The following ADAMTS3 variants were observed in gnomAD, a reference collection of about 807,000 sequenced individuals.
ADAMTS3 encodes the protein ADAM metallopeptidase with thrombospondin type 1 motif 3, also known as A disintegrin and metalloproteinase with thrombospondin motifs 3.
ADAMTS3 carries 73 observed loss-of-function variants against 129.0 expected under a neutral mutation model. The ratio of observed to expected loss-of-function variants is 0.57; its 90% CI spans 0.47 to 0.69. The LOEUF (loss-of-function observed/expected upper bound fraction) is 0.69. Ranked by LOEUF, ADAMTS3 falls within the 30% of genes least tolerant of loss-of-function variation. The pLI is 0.00. For synonymous variants in ADAMTS3, 477 were observed against 510.8 expected (o/e 0.93, Z 0.89); for missense variants, 1,457 against 1,514.5 (o/e 0.96, Z 0.63).
intron 3 of ADAMTS3, among the ~76,000 whole-genome samples, chr4:72,504,398 T>C (rs1720103880): frequency 1.3e-5 from 2 of 152,204 alleles, no homozygotes; most frequent in African/African-American, 4.8e-5. Context: ...AAATAGGCCC[T>C]GATCTCTTCT....
intron 3 of ADAMTS3, among the ~76,000 whole-genome samples, chr4:72,447,934 C>T (rs1718299793): frequency 6.6e-6 from 1 of 151,740 alleles, no homozygotes; most frequent in Non-Finnish European, 1.5e-5. Context: ...ATGCTACTTA[C>T]ACAAAACTTT....
chr4:72,478,868 C>G lies in ADAMTS3; in HGVS notation c.505-63897G>C, dbSNP rs1176042153. Among the ~76,000 whole-genome samples, 459 of 151,652 alleles carry G rather than the reference C, an allele frequency of 3.0e-3. 4 individuals are homozygous for G. The highest frequency in any genetic ancestry group is 0.01 in the African/African-American group (433 of 41,310). The stretch of plus-strand genomic sequence containing the variant: ...AGTCTCAGGATACAAAATCAATGTA[C>G]AAAAATCACAAGCATTCTTATACAC... On this transcript the variant is annotated intron_variant, in intron 3 of 21. Coordinates refer to ENST00000286657, the MANE Select transcript of ADAMTS3 (RefSeq NM_014243.3).
At chr4:72,288,996 CTATT>C (rs1718590668) in intron 20 of ADAMTS3, 128 bp from the exon 21 acceptor site, 4 of 639,504 alleles carry the variant, frequency 6.3e-6, no homozygotes, top group African/African-American at 1.8e-5. Context: ...AGTGGGTTCT[CTATT>C]AAGTAATGCT....
rs572819639 is a variant in ADAMTS3 at position 72,344,287 on chromosome 4, T to G, written c.662-4594A>C. Among the ~76,000 whole-genome samples, 8 of 152,222 alleles carry G rather than the reference T, an allele frequency of 5.3e-5. No homozygotes were observed. In the East Asian group the frequency reaches 1.5e-3, roughly 29 times the overall value. ...ATGTTCATATGCTTAATCATACTTA[T>G]AGGAAATCAAAGTATAGGATTAGTG... On this transcript the variant is annotated intron_variant, in intron 4 of 21. Coordinates refer to ENST00000286657, the MANE Select transcript of ADAMTS3 (RefSeq NM_014243.3).
chr4:72,470,361 T>TTATATATACA (rs1553917049), intron 3 of ADAMTS3, among the ~76,000 whole-genome samples: 8 of 116,484 alleles, frequency 6.9e-5, no homozygotes, highest in Admixed American at 5.7e-4. Flanking sequence ...TATTTTAAGT[T>TTATATATACA]TATATATATA....
chr4:72,550,547 A>G (rs1427901735), intron 2 of ADAMTS3, among the ~76,000 whole-genome samples: 1 of 152,182 alleles, frequency 6.6e-6, no homozygotes, highest in Non-Finnish European at 1.5e-5. Flanking sequence ...GTAAATATTT[A>G]CTAGGCAAAG....
At chr4:72,372,073 T>C (rs1012867256) in intron 4 of ADAMTS3, among the ~76,000 whole-genome samples, 2 of 152,122 alleles carry the variant, frequency 1.3e-5, no homozygotes, top group Non-Finnish European at 2.9e-5. Context: ...TATTTTGAAC[T>C]GAAGAATATT....
chr4:72,362,196 C>T (rs1431915239), intron 4 of ADAMTS3, among the ~76,000 whole-genome samples: 7 of 152,036 alleles, frequency 4.6e-5, no homozygotes, highest in Non-Finnish European at 2.9e-5. Context: ...AGGGTAGGTG[C>T]CCTATTTAAG....
chr4:72,548,357 G>T, intron 3 of ADAMTS3, 121 bp downstream of exon 3: 1 of 1,073,482 alleles, frequency 9.3e-7, no homozygotes. Flanking sequence ...GTCTTTTTCT[G>T]AACTTAAAAT....
intron 4 of ADAMTS3, among the ~76,000 whole-genome samples, chr4:72,397,949 A>C (rs1721768314): frequency 6.6e-6 from 1 of 152,182 alleles, no homozygotes; most frequent in African/African-American, 2.4e-5. Context: ...GTAAAAAAAA[A>C]ATCACTACTG....
At position 72,313,574 on chromosome 4, in the gene ADAMTS3, C is replaced by A. The variant is rs1719302895; in HGVS notation, c.1745+103G>T. The stretch of plus-strand genomic sequence containing the variant: ...AACTGTGAACAATTTATTTTCCTGC[C>A]CTGTGTTTTACATGCACTTTATAAA... On this transcript the variant is annotated intron_variant, in intron 12 of 21. Coordinates refer to ENST00000286657, the MANE Select transcript of ADAMTS3 (RefSeq NM_014243.3). 9.8e-6 allele frequency: 12 copies of A among 1,220,620 alleles called. No individual in the cohort carries two copies. The South Asian group carries it at 1.9e-4, about 19-fold the overall frequency. The allele number at this position is 1,220,620 out of a possible 1,614,324, so 75.6% of individuals were successfully genotyped here.
chr4:72,312,103 C>G lies in ADAMTS3; in HGVS notation c.1921+188G>C. 5.3e-6 allele frequency: 3 copies of G among 564,970 alleles called. No individual in the cohort carries two copies. The South Asian group carries it at 8.5e-5, about 16-fold the overall frequency. The allele number at this position is 564,970 out of a possible 1,614,324, so 35.0% of individuals were successfully genotyped here. A position where few individuals can be genotyped will look rare whatever the true frequency, so the allele number is the denominator to read the frequency against. On this transcript the variant is annotated intron_variant, in intron 13 of 21. Transcript: ENST00000286657. ...TGCTGCTTGCCAGGAACTATTGCAC[C>G]ATTCTTACCTCTTTAGAGAAAGGGT...
intron 3 of ADAMTS3, among the ~76,000 whole-genome samples, chr4:72,529,272 A>G (rs186256016): frequency 2.0e-5 from 3 of 152,248 alleles, no homozygotes; most frequent in Admixed American, 2.0e-4. Context: ...TACTGAAACC[A>G]GTTCTTGTAG....
At chr4:72,361,733 T>G (rs971694434) in intron 4 of ADAMTS3, among the ~76,000 whole-genome samples, 1 of 152,096 alleles carries the variant, frequency 6.6e-6, no homozygotes, top group Non-Finnish European at 1.5e-5. Flanking sequence ...TCCTTCTGTA[T>G]TTTTATCCCA....
chr4:72,289,095 T>C (rs919323461), intron 20 of ADAMTS3, among the ~76,000 whole-genome samples: 2 of 152,112 alleles, frequency 1.3e-5, no homozygotes, highest in Non-Finnish European at 2.9e-5. Context: ...TTTTTCTACA[T>C]AAGATTCACC....
At chr4:72,550,041 A>G (rs78855240) in intron 2 of ADAMTS3, among the ~76,000 whole-genome samples, 7 of 12,098 alleles carry the variant, frequency 5.8e-4, no homozygotes, top group African/African-American at 2.4e-3. Context: ...GAAGAAGAAG[A>G]AGAGGAAGAG....
chr4:72,469,365 ATGT>A (rs1719003351), intron 3 of ADAMTS3, among the ~76,000 whole-genome samples: 1 of 152,102 alleles, frequency 6.6e-6, no homozygotes, highest in Non-Finnish European at 1.5e-5. Flanking sequence ...CATAGAAGTG[ATGT>A]TGTTTCAGGC....
intron 3 of ADAMTS3, among the ~76,000 whole-genome samples, chr4:72,455,228 A>T (rs1718511826): frequency 6.6e-6 from 1 of 151,706 alleles, no homozygotes; most frequent in Non-Finnish European, 1.5e-5. Context: ...CAAATATAGA[A>T]AAAACTTAGA....
intron 3 of ADAMTS3, among the ~76,000 whole-genome samples, chr4:72,423,694 T>C (rs936162267): frequency 6.6e-6 from 1 of 152,104 alleles, no homozygotes; most frequent in African/African-American, 2.4e-5. Context: ...TCAGGCAACA[T>C]TTCAATGGCC....
Sources: gnomAD v4.1 joint callset for allele counts (sites outside exome capture counted in the v4.1 genomes callset) on GRCh38, gnomAD v4.1.1 for gene constraint, MANE v1.5 for transcripts, NCBI Gene and HGNC (gene_info 2026-07-23, HGNC 2026-07-21) for gene names.